Variants in RELB observed in about 807,000 individuals in gnomAD.
RELB encodes the protein transcription factor RelB.
In RELB, 14 loss-of-function variants were observed where a neutral mutation model predicts 55.4. That is an observed-to-expected ratio of 0.25 (90% CI 0.17 to 0.40). The LOEUF is 0.40. Among genes scored for constraint, RELB ranks in the 10% least tolerant of loss-of-function variants. RELB has a pLI of 1.00. For missense variants in RELB, 669 were observed against 830.7 expected, an observed-to-expected ratio of 0.81 and a Z score of 2.39; for synonymous variants, 409 against 371.3, an observed-to-expected ratio of 1.10 and a Z score of -1.17.
intron 1 of RELB, 86 bp downstream of exon 1, chr19:45,001,771 T>A: frequency 1.2e-6 from 1 of 839,202 alleles, no homozygotes; most frequent in Non-Finnish European, 1.8e-6. Flanking sequence ...GTCTGGGGGT[T>A]CCTATGGGAG....
In RELB at chr19:45,037,878, C is replaced by A; in HGVS notation, c.*88C>A. The A allele has an allele frequency of 7.6e-7, 1 of 1,310,962 alleles. No homozygotes were observed. Among genetic ancestry groups the A allele is most frequent in the East Asian group, 2.8e-5 (1 of 36,042 alleles). The allele number at this position is 1,310,962 out of a possible 1,614,324, so 81.2% of individuals were successfully genotyped here. ...ACCAGGATGTCTAGCACCCCCATCC[C>A]CTTGGCCCTTCCTCATGCTTCTGAA... On this transcript the variant is annotated 3_prime_UTR_variant, in exon 12 of 12. Coordinates refer to ENST00000221452, the MANE Select transcript of RELB (RefSeq NM_006509.4).
In RELB at chr19:45,025,703, G is replaced by T; in HGVS notation, c.852G>T (p.Met284Ile). Residue 284 changes from methionine to isoleucine, a missense_variant, in exon 7 of 12, where the codon ATG becomes ATT. Met to Ile is a conservative substitution (Grantham distance 10). Around this residue, in one of 3 missense-constraint regions of RELB, gnomAD observed 341 missense variants for 436.8 expected, o/e 0.78. Coordinates refer to ENST00000221452, the MANE Select transcript of RELB (RefSeq NM_006509.4). ...ACCAGCAGGGACAGATGCGCCGGAT[G>T]GATCCTGTGCTTTCCGAGCCCGTCT... ...YRDQQGQMRR[M>I]DPVLSEPVYD... The T allele has an allele frequency of 6.2e-7, 1 of 1,613,996 alleles. No homozygotes were observed.
chr19:45,027,205 C>G (rs1026724117), intron 7 of RELB, among the ~76,000 whole-genome samples: 1 of 149,986 alleles, frequency 6.7e-6, no homozygotes, highest in Non-Finnish European at 1.5e-5. Context: ...TGCACTCCAG[C>G]CCGGGCAACA....
chr19:45,011,164 T>C (rs1428604962), intron 3 of RELB, among the ~76,000 whole-genome samples: 1 of 142,704 alleles, frequency 7.0e-6, no homozygotes, highest in Non-Finnish European at 1.5e-5. Flanking sequence ...TTTATTTATT[T>C]ATTATTATTA....
chr19:45,033,079 T>C (rs763163693), intron 9 of RELB, among the ~76,000 whole-genome samples: 6 of 152,098 alleles, frequency 3.9e-5, no homozygotes, highest in Non-Finnish European at 7.4e-5. Flanking sequence ...CCTAGCTGTG[T>C]CCTCATGAGG....
intron 1 of RELB, among the ~76,000 whole-genome samples, 188 bp downstream of exon 1, chr19:45,001,873 G>A (rs1049208868): frequency 6.6e-6 from 1 of 152,156 alleles, no homozygotes; most frequent in Non-Finnish European, 1.5e-5. Flanking sequence ...GGTACGGCCC[G>A]AGGTTCGAGC....
chr19:45,037,420 C>T lies in RELB; in HGVS notation c.1370C>T (p.Pro457Leu), dbSNP rs1158832614. ...PNHGSGPFLP[P>L]SALLPDPDFF... Reference sequence around the variant, plus strand: ...ATCCCCGTAGGCCCGTTCCTCCCGCCGTCAGCCCTGCTGCCAGACCCTGAC... The same window carrying T: ...ATCCCCGTAGGCCCGTTCCTCCCGCTGTCAGCCCTGCTGCCAGACCCTGAC... The change falls in exon 12 of 12, where the codon CCG becomes CTG. Residue 457 changes from proline to leucine, a missense_variant. Around this residue, in one of 3 missense-constraint regions of RELB, gnomAD observed 341 missense variants for 436.8 expected, o/e 0.78. Coordinates refer to ENST00000221452, the MANE Select transcript of RELB (RefSeq NM_006509.4). The T allele has an allele frequency of 5.7e-6, 9 of 1,582,810 alleles. No homozygotes were observed. Among genetic ancestry groups the T allele is most frequent in the Non-Finnish European group, 6.0e-6 (7 of 1,170,122 alleles).
At chr19:45,011,507 C>T (rs981130244) in intron 3 of RELB, among the ~76,000 whole-genome samples, 1 of 151,094 alleles carries the variant, frequency 6.6e-6, no homozygotes, top group Non-Finnish European at 1.5e-5. Context: ...CCCAGGCTGG[C>T]GTGCAGTGTC....
intron 4 of RELB, among the ~76,000 whole-genome samples, chr19:45,015,730 A>T (rs10412986): frequency 6.8e-6 from 1 of 146,872 alleles, no homozygotes; most frequent in Non-Finnish European, 1.5e-5. Context: ...GAAAGATGCT[A>T]TCTCAAAAAA....
At chr19:45,001,712 G>T in intron 1 of RELB, 27 bp downstream of exon 1, 2 of 1,435,990 alleles carry the variant, frequency 1.4e-6, no homozygotes, top group Non-Finnish European at 1.9e-6. Context: ...TTCAGGAGAG[G>T]GGTCTGGGGC....
At chr19:45,028,376 C>T (rs541587544) in intron 7 of RELB, among the ~76,000 whole-genome samples, 85 of 151,922 alleles carry the variant, frequency 5.6e-4, no homozygotes, top group African/African-American at 2.0e-3. Context: ...TGTTTTGAGA[C>T]GGAGTTTTCC....
At chr19:45,034,193 AATT>A (rs1409066538) in intron 9 of RELB, 48 bp from the exon 10 acceptor site, 1 of 1,267,330 alleles carries the variant, frequency 7.9e-7, no homozygotes, top group Admixed American at 1.8e-5. Context: ...TAAAGGAATT[AATT>A]ATTATTGATG....
At chr19:45,012,941 T>C (rs952658711) in intron 4 of RELB, among the ~76,000 whole-genome samples, 3 of 151,794 alleles carry the variant, frequency 2.0e-5, no homozygotes, top group Admixed American at 6.6e-5. Flanking sequence ...CCTAGCTACA[T>C]GGTAGGGCTG....
chr19:45,008,434 C>G (rs1462438402), intron 2 of RELB: 1 of 456,100 alleles, frequency 2.2e-6, no homozygotes, highest in East Asian at 6.9e-5. Flanking sequence ...GGTCCAAAGT[C>G]TAACTCTGTC....
chr19:45,017,865 G>T (rs1435485019), intron 4 of RELB, among the ~76,000 whole-genome samples: 1 of 150,670 alleles, frequency 6.6e-6, no homozygotes, highest in African/African-American at 2.4e-5. Flanking sequence ...GGCTGGTCTC[G>T]AACTCCTGGC....
intron 2 of RELB, chr19:45,008,705 A>G: frequency 2.8e-6 from 1 of 355,800 alleles, no homozygotes; most frequent in Non-Finnish European, 5.7e-6. Flanking sequence ...AGGAGGACAG[A>G]TCTAGCAGCG....
chr19:45,014,528 T>G (rs552357094), intron 4 of RELB, among the ~76,000 whole-genome samples: 131 of 17,946 alleles, frequency 7.3e-3, no homozygotes, highest in African/African-American at 0.028. Context: ...TGTTTTTTGG[T>G]TTTTTTTTTG....
rs557398931 is a variant in RELB at position 45,015,666 on chromosome 19, T to C, written c.504+3390T>C. Among the ~76,000 whole-genome samples the C allele has an allele frequency of 2.2e-3, 319 of 147,144 alleles. 1 individual carries two copies. The highest frequency in any genetic ancestry group is 7.5e-3 in the African/African-American group (297 of 39,372). ...GGGAGGATTGCTTGAGCCTGGGAAG[T>C]GGAGGCTGCAGTGAGCCATGGTCAC... On this transcript the variant is annotated intron_variant, in intron 4 of 11. Transcript: ENST00000221452.
At position 45,025,415 on chromosome 19, in the gene RELB, A is replaced by T; in HGVS notation, c.749A>T (p.Tyr250Phe). Residue 250 changes from tyrosine (Y) to phenylalanine (F), a missense_variant, in exon 6 of 12, where the codon TAC becomes TTC. Physicochemically the swap from Tyr to Phe is conservative, Grantham distance 22 (BLOSUM62 3). Transcript: ENST00000221452. ...AAGATTCAACTGGGCATTGACCCCT[A>T]CAACGGTGAGCACCCCCTGCCTGAC... is the stretch of plus-strand genomic sequence containing the variant. ...ERKIQLGIDP[Y>F]NAGSLKNHQE... 6.2e-7 allele frequency: 1 copy of T among 1,611,170 alleles called. No homozygotes were observed. The highest frequency in any genetic ancestry group is 8.5e-7 in the Non-Finnish European group (1 of 1,178,630).
Sources: gnomAD v4.1 joint callset for allele counts (sites outside exome capture counted in the v4.1 genomes callset) on GRCh38, gnomAD v4.1.1 for gene constraint, gnomAD v4.1.1 regional missense constraint, MANE v1.5 for transcripts, NCBI Gene and HGNC (gene_info 2026-07-23, HGNC 2026-07-21) for gene names.